The following CDIN1 variants were observed in gnomAD, a reference collection of about 807,000 sequenced individuals.
CDIN1 encodes the protein CDAN1-interacting nuclease 1.
In CDIN1, 33 loss-of-function variants were observed where a neutral mutation model predicts 45.3. The observed-to-expected ratio is 0.73, with a 90% CI of 0.55 to 0.97. The LOEUF (loss-of-function observed/expected upper bound fraction) is 0.97, where lower values mean the gene tolerates loss of function less well. Among genes scored for constraint, CDIN1 ranks in the 50% least tolerant of loss-of-function variants. The pLI is 0.00. For synonymous variants in CDIN1, 118 were observed against 124.4 expected, an observed-to-expected ratio of 0.95 and a Z score of 0.34; for missense variants, 303 against 339.4, an observed-to-expected ratio of 0.89 and a Z score of 0.84.
chr15:36,718,945 G>A (rs951711292), intron 10 of CDIN1, among the ~76,000 whole-genome samples: 7 of 151,046 alleles, frequency 4.6e-5, no homozygotes, highest in Non-Finnish European at 8.8e-5. Context: ...TGTTAGGGGT[G>A]AGCACAAGTG....
chr15:36,774,313 G>A (rs79671931), intron 10 of CDIN1, among the ~76,000 whole-genome samples: 3,916 of 152,056 alleles, frequency 0.026, 174 homozygotes, highest in African/African-American at 0.088. Context: ...AAATAAGCAC[G>A]ACCTATTCCT....
intron 5 of CDIN1, among the ~76,000 whole-genome samples, chr15:36,662,690 C>T (rs1296156470): frequency 1.3e-5 from 2 of 151,996 alleles, no homozygotes; most frequent in Non-Finnish European, 2.9e-5. Context: ...CTATTTGAAT[C>T]CTAACTATAT....
intron 10 of CDIN1, among the ~76,000 whole-genome samples, chr15:36,786,172 T>TTA (rs1281810638): frequency 6.6e-6 from 1 of 152,236 alleles, no homozygotes; most frequent in Non-Finnish European, 1.5e-5. Context: ...TGACTTCACT[T>TTA]TAATTAGAGT....
At chr15:36,641,020 A>G (rs1273839635) in intron 1 of CDIN1, among the ~76,000 whole-genome samples, 1 of 152,220 alleles carries the variant, frequency 6.6e-6, no homozygotes, top group Non-Finnish European at 1.5e-5. Flanking sequence ...GCACAGACAG[A>G]GGAAAAATTT....
chr15:36,758,030 A>G (rs910549887), intron 10 of CDIN1, among the ~76,000 whole-genome samples: 2 of 152,096 alleles, frequency 1.3e-5, no homozygotes, highest in Non-Finnish European at 2.9e-5. Context: ...GTATGTATGT[A>G]TAGGAAAAAA....
chr15:36,647,231 G>C (rs2140419417), intron 3 of CDIN1, among the ~76,000 whole-genome samples: 1 of 151,544 alleles, frequency 6.6e-6, no homozygotes, highest in Admixed American at 6.6e-5. Flanking sequence ...TTGCTACTTT[G>C]CCCAGGCTGT....
intron 10 of CDIN1, among the ~76,000 whole-genome samples, chr15:36,760,480 G>A (rs55787777): frequency 0.014 from 2,149 of 152,268 alleles, 39 homozygotes; most frequent in African/African-American, 0.05. Context: ...AAGGTAGCTT[G>A]CACATATGCG....
At chr15:36,621,872 G>GTTTTTTGT (rs1555385100) in intron 1 of CDIN1, among the ~76,000 whole-genome samples, 4 of 142,398 alleles carry the variant, frequency 2.8e-5, no homozygotes, top group Admixed American at 2.1e-4. Flanking sequence ...AACAAGTTCA[G>GTTTTTTGT]TTTTTTTTTT....
chr15:36,804,600 G>A (rs892723715), intron 10 of CDIN1: 1 of 151,026 alleles, frequency 6.6e-6, no homozygotes, highest in African/African-American at 2.4e-5. Flanking sequence ...ATGCACAGAA[G>A]GGCCAGCTTT....
At chr15:36,591,903 A>G (rs1039119334) in intron 1 of CDIN1, 1 of 152,226 alleles carries the variant, frequency 6.6e-6, no homozygotes, top group Admixed American at 6.5e-5. Flanking sequence ...CCAGGCAAGT[A>G]TCAACAACAA....
chr15:36,732,846 A>G (rs572763439), intron 10 of CDIN1, among the ~76,000 whole-genome samples: 3 of 152,176 alleles, frequency 2.0e-5, no homozygotes, highest in African/African-American at 7.2e-5. Flanking sequence ...CATAAGATAT[A>G]ACCTAAACCT....
chr15:36,718,024 T>TTTA (rs778975411), intron 10 of CDIN1, among the ~76,000 whole-genome samples: 669 of 59,092 alleles, frequency 0.011, 1 homozygote, highest in Non-Finnish European at 0.011. Flanking sequence ...ATTGAGTTGC[T>TTTA]TTCTTATTGA....
At chr15:36,641,312 C>T (rs779741788) in intron 1 of CDIN1, 2 of 152,264 alleles carry the variant, frequency 1.3e-5, no homozygotes, top group Non-Finnish European at 2.9e-5. Flanking sequence ...TCCACAGTGT[C>T]CTCAAGGACC....
At chr15:36,750,963 T>G (rs1566949503) in intron 10 of CDIN1, among the ~76,000 whole-genome samples, 1 of 152,012 alleles carries the variant, frequency 6.6e-6, no homozygotes, top group Non-Finnish European at 1.5e-5. Context: ...AAAAAGCATC[T>G]GTCTTTTTGC....
intron 10 of CDIN1, among the ~76,000 whole-genome samples, chr15:36,800,909 G>GTGTGTATGTATATATATA (rs1156514805): frequency 1.8e-4 from 4 of 22,390 alleles, no homozygotes; most frequent in South Asian, 4.3e-3. Context: ...GTGTGTGTGT[G>GTGTGTATGTATATATATA]TATATATATA....
At chr15:36,616,962 A>G in intron 1 of CDIN1, 1 of 498,064 alleles carries the variant, frequency 2.0e-6, no homozygotes, top group East Asian at 3.3e-5. Context: ...ATAAAATTGT[A>G]AAAGTATTAT....
intron 1 of CDIN1, among the ~76,000 whole-genome samples, chr15:36,587,704 C>T (rs2037372017): frequency 6.6e-6 from 1 of 152,122 alleles, no homozygotes; most frequent in African/African-American, 2.4e-5. Flanking sequence ...TTCCATTCTT[C>T]TTGCCTCCTA....
At chr15:36,719,444 A>G (rs2043332307) in intron 10 of CDIN1, among the ~76,000 whole-genome samples, 1 of 152,310 alleles carries the variant, frequency 6.6e-6, no homozygotes, top group East Asian at 1.9e-4. Flanking sequence ...TTAATGTTAT[A>G]CCAACCTTGC....
intron 5 of CDIN1, among the ~76,000 whole-genome samples, chr15:36,663,318 CT>C (rs1566878602): frequency 6.6e-6 from 1 of 152,128 alleles, no homozygotes; most frequent in African/African-American, 2.4e-5. Context: ...AGCAGAGTGA[CT>C]TGATGAGAGC....
Sources: gnomAD v4.1 joint callset for allele counts (sites outside exome capture counted in the v4.1 genomes callset) on GRCh38, gnomAD v4.1.1 for gene constraint, MANE v1.5 for transcripts, NCBI Gene and HGNC (gene_info 2026-07-23, HGNC 2026-07-21) for gene names.